Variants in OTUB2 observed in about 807,000 individuals in gnomAD.
OTUB2 encodes the protein ubiquitin thioesterase OTUB2.
OTUB2 carries 21 observed loss-of-function variants against 25.1 expected under a neutral mutation model. The observed-to-expected ratio is 0.84, with a 90% CI of 0.59 to 1.21. The LOEUF is 1.21. OTUB2 is among the 50% of genes most tolerant of loss of function. The pLI is 0.00. For synonymous variants in OTUB2, 122 were observed against 122.8 expected (o/e 0.99, Z 0.04); for missense variants, 283 against 298.0 (o/e 0.95, Z 0.37).
intron 1 of OTUB2, among the ~76,000 whole-genome samples, chr14:94,029,453 G>A (rs1315041235): frequency 6.6e-6 from 1 of 152,166 alleles, no homozygotes; most frequent in Non-Finnish European, 1.5e-5. Flanking sequence ...CAAGCTTCTG[G>A]TAGCTCCTTG....
chr14:94,026,464 C>T lies in OTUB2; in HGVS notation c.-74C>T. 6 of 1,322,688 alleles carry T rather than the reference C, an allele frequency of 4.5e-6. No individual in the cohort carries two copies. Among genetic ancestry groups the T allele is most frequent in the Non-Finnish European group, 5.8e-6 (6 of 1,032,766 alleles). The allele number at this position is 1,322,688 out of a possible 1,614,324, so 81.9% of individuals were successfully genotyped here. On this transcript the variant is annotated 5_prime_UTR_variant, in exon 1 of 6. Coordinates refer to ENST00000203664, the MANE Select transcript of OTUB2 (RefSeq NM_023112.4). The stretch of plus-strand genomic sequence containing the variant: ...CACCGAACCAGCGGCGGAGCCCGCC[C>T]GCGCCTCCCGCGGCATTCCCGCACC...
chr14:94,039,583 C>T (rs1234131723), intron 3 of OTUB2, among the ~76,000 whole-genome samples: 2 of 150,676 alleles, frequency 1.3e-5, no homozygotes, highest in African/African-American at 4.9e-5. Flanking sequence ...GAAGTTTGTA[C>T]AAGGCGCCTG....
At chr14:94,037,498 G>T in intron 2 of OTUB2, 23 bp downstream of exon 2, 1 of 1,532,138 alleles carries the variant, frequency 6.5e-7, no homozygotes, top group South Asian at 1.1e-5. Context: ...GCAGGGAGAA[G>T]AGCATCCGAA....
intron 1 of OTUB2, among the ~76,000 whole-genome samples, chr14:94,032,445 A>T (rs8021349): frequency 0.23 from 34,497 of 152,166 alleles, 4,066 homozygotes; most frequent in East Asian, 0.36. Flanking sequence ...GAGTAGTCAA[A>T]TTCATTAGAG....
chr14:94,037,515 C>G (rs777181292), intron 2 of OTUB2, 40 bp downstream of exon 2: 1 of 1,462,734 alleles, frequency 6.8e-7, no homozygotes, highest in Admixed American at 1.7e-5. Context: ...CGAAACTAAA[C>G]AGGCTGGAGT....
Position 94,046,270 on chromosome 14 carries a change from T to C in OTUB2, c.*348T>C, listed in dbSNP as rs1319069843. 1 of 370,106 alleles carries C rather than the reference T, an allele frequency of 2.7e-6. No homozygotes were observed. The highest frequency in any genetic ancestry group is 5.0e-6 in the Non-Finnish European group (1 of 198,798). 22.9% of individuals were successfully genotyped at this position (370,106 alleles called of 1,614,324 possible). A position where few individuals can be genotyped will look rare whatever the true frequency, so the allele number is the denominator to read the frequency against. On this transcript the variant is annotated 3_prime_UTR_variant, in exon 6 of 6. Transcript: ENST00000203664. ...CATTCCATTGTAGAAAAATGGGGCC[T>C]CTGGTGTCTCTTTACCAGGGGCAGT... is the stretch of plus-strand genomic sequence containing the variant.
rs112295108 is a variant in OTUB2, at chr14:94,038,384, G to A, written c.100-579G>A. On this transcript the variant is annotated intron_variant, in intron 2 of 5. Transcript: ENST00000203664. ...AGCTGGCCTCAGGTGGGCCCAAGTC[G>A]GCTCTGAGCCTTCTCATGGCTATGG... 2.0e-3 allele frequency among the ~76,000 whole-genome samples: 301 copies of A among 152,288 alleles called. 2 individuals carry two copies. Among genetic ancestry groups the A allele is most frequent in the Middle Eastern group, 0.017 (5 of 294 alleles).
intron 2 of OTUB2, 54 bp downstream of exon 2, chr14:94,037,529 G>A: frequency 2.3e-6 from 3 of 1,318,592 alleles, no homozygotes; most frequent in Non-Finnish European, 1.1e-6. Context: ...CTGGAGTTGG[G>A]AGTGTAATGG....
chr14:94,030,820 G>GGGA (rs199956906), intron 1 of OTUB2, among the ~76,000 whole-genome samples: 4 of 150,088 alleles, frequency 2.7e-5, no homozygotes, highest in African/African-American at 1.0e-4. Context: ...GTGATGGGGA[G>GGGA]GGTGGGGGCC....
At chr14:94,026,885 G>T (rs941075334) in intron 1 of OTUB2, among the ~76,000 whole-genome samples, 13 of 152,192 alleles carry the variant, frequency 8.5e-5, no homozygotes, top group African/African-American at 3.1e-4. Flanking sequence ...ACTACGGGTC[G>T]CCTCCTCTTT....
At chr14:94,031,716 A>G (rs1884966437) in intron 1 of OTUB2, among the ~76,000 whole-genome samples, 1 of 152,190 alleles carries the variant, frequency 6.6e-6, no homozygotes, top group African/African-American at 2.4e-5. Context: ...TACTGGGGAA[A>G]AGCAGTGATT....
chr14:94,039,662 G>C (rs1355251005), intron 3 of OTUB2, among the ~76,000 whole-genome samples: 1 of 151,932 alleles, frequency 6.6e-6, no homozygotes, highest in African/African-American at 2.4e-5. Flanking sequence ...GCTTGGACCC[G>C]AATTCCTGTC....
At chr14:94,028,039 CT>C (rs1306295843) in intron 1 of OTUB2, among the ~76,000 whole-genome samples, 2 of 152,248 alleles carry the variant, frequency 1.3e-5, no homozygotes, top group Non-Finnish European at 2.9e-5. Flanking sequence ...GAGGCGGTAG[CT>C]GCTCTTTGTG....
chr14:94,031,744 C>T (rs900997131), intron 1 of OTUB2, among the ~76,000 whole-genome samples: 1 of 152,228 alleles, frequency 6.6e-6, no homozygotes, highest in Non-Finnish European at 1.5e-5. Flanking sequence ...ATCCTTTTCT[C>T]ACTTTGAAAT....
chr14:94,048,898 A>C lies in OTUB2; in HGVS notation c.*2976A>C, dbSNP rs557288799. The C allele has an allele frequency of 6.6e-6, 1 of 152,368 alleles. No homozygotes were observed. Among genetic ancestry groups the C allele is most frequent in the South Asian group, 2.1e-4 (1 of 4,830 alleles). 9.4% of individuals were successfully genotyped at this position (152,368 alleles called of 1,614,324 possible). Reference sequence around the variant, plus strand: ...ACAGCTTCCCTAGGCAGTAAGTAAAAACATTCTCCTAGCATTAAAATGGTT... The same window carrying C: ...ACAGCTTCCCTAGGCAGTAAGTAAACACATTCTCCTAGCATTAAAATGGTT... On this transcript the variant is annotated 3_prime_UTR_variant, in exon 6 of 6. Transcript: ENST00000203664.
At chr14:94,035,409 C>T (rs1006278674) in intron 1 of OTUB2, among the ~76,000 whole-genome samples, 1 of 151,644 alleles carries the variant, frequency 6.6e-6, no homozygotes, top group Non-Finnish European at 1.5e-5. Flanking sequence ...CTACCTCAGC[C>T]TCCTGAGTAG....
chr14:94,045,970 T>A lies in OTUB2; in HGVS notation c.*48T>A. 1 of 1,576,700 alleles carries A rather than the reference T, an allele frequency of 6.3e-7. No homozygotes were observed. The highest frequency in any genetic ancestry group is 8.7e-7 in the Non-Finnish European group (1 of 1,148,062). The stretch of plus-strand genomic sequence containing the variant: ...AACCTGTCACCTAATGGGACTGCAT[T>A]CTGAATGGAACATTCCGGCTCTTCA... On this transcript the variant is annotated 3_prime_UTR_variant, in exon 6 of 6. Transcript: ENST00000203664.
intron 3 of OTUB2, among the ~76,000 whole-genome samples, chr14:94,040,422 G>A (rs1167192951): frequency 6.6e-6 from 1 of 152,174 alleles, no homozygotes; most frequent in African/African-American, 2.4e-5. Context: ...CAGCAGCCCT[G>A]GGCTCTGAGG....
chr14:94,043,039 C>T (rs1027311792), intron 3 of OTUB2, among the ~76,000 whole-genome samples: 6 of 152,196 alleles, frequency 3.9e-5, no homozygotes, highest in Non-Finnish European at 5.9e-5. Flanking sequence ...CAGGGGCAAG[C>T]GGCATCTAGG....
Sources: gnomAD v4.1 joint callset for allele counts (sites outside exome capture counted in the v4.1 genomes callset) on GRCh38, gnomAD v4.1.1 for gene constraint, MANE v1.5 for transcripts, NCBI Gene and HGNC (gene_info 2026-07-23, HGNC 2026-07-21) for gene names.